Variants in ZNF264 observed in about 807,000 individuals in gnomAD.
ZNF264 encodes the protein zinc finger protein 264.
Under a neutral mutation model 11.2 loss-of-function variants are expected in ZNF264, and 11 were observed. The observed-to-expected ratio is 0.98, with a 90% CI of 0.62 to 1.63. ZNF264 has a LOEUF of 1.63. Ranked by LOEUF, ZNF264 falls within the 40% of genes most tolerant of loss-of-function variation. The probability of loss-of-function intolerance (pLI) is 0.00; values close to 1 mark genes in which losing one functional copy is unlikely to be tolerated. For synonymous variants in ZNF264, 309 were observed against 279.8 expected, an observed-to-expected ratio of 1.10 and a Z score of -1.04; for missense variants, 752 against 768.1, an observed-to-expected ratio of 0.98 and a Z score of 0.25.
At position 57,191,890 on chromosome 19, in the gene ZNF264, C is replaced by T. The variant is rs77125234; in HGVS notation, c.-24C>T. ...GCCGCCCGGGGCTCCTCTGTCCCAG[C>T]TCTGCGGCCCAGGGGGTGACGTGAT... On this transcript the variant is annotated 5_prime_UTR_variant, in exon 1 of 4. Coordinates refer to ENST00000263095, the MANE Select transcript of ZNF264 (RefSeq NM_003417.5). The T allele has an allele frequency of 0.063, 91,282 of 1,442,044 alleles. 3,285 individuals carry two copies. The highest frequency in any genetic ancestry group is 0.07 in the Non-Finnish European group (76,548 of 1,093,762). The allele number at this position is 1,442,044 out of a possible 1,614,324, so 89.3% of individuals were successfully genotyped here.
chr19:57,212,171 CAT>C lies in ZNF264; in HGVS notation c.1075_1076del (p.Met359ValfsTer13), dbSNP rs2087343172. The C allele has an allele frequency of 1.9e-6, 3 of 1,614,198 alleles. No individual in the cohort carries two copies. Among genetic ancestry groups the C allele is most frequent in the South Asian group, 1.1e-5 (1 of 91,084 alleles). ...GKVFKHRSYLMWHQQTHTGEK... is the reference protein window; with the variant it reads ...GKVFKHRSYLXWHQQTHTGEK... ...AGGTCTTCAAACACAGGTCATATCT[CAT>C]GTGGCACCAGCAGACTCATACCGGG... On this transcript the variant is annotated frameshift_variant, in exon 4 of 4. Transcript: ENST00000263095. LOFTEE classifies it low-confidence loss of function (END_TRUNC).
In ZNF264 at chr19:57,222,468, A is replaced by C. The variant is rs2087424470; in HGVS notation, c.*9487A>C. On this transcript the variant is annotated 3_prime_UTR_variant, in exon 4 of 4. Coordinates refer to ENST00000263095, the MANE Select transcript of ZNF264 (RefSeq NM_003417.5). ...TTAATTTAGTGATGAAAAGGTACAGAGAGAGTCTTTCAAGAAAGGACCTAG... is the reference window on the plus strand; with the variant it reads ...TTAATTTAGTGATGAAAAGGTACAGCGAGAGTCTTTCAAGAAAGGACCTAG... 6.6e-6 allele frequency: 1 copy of C among 152,008 alleles called. No homozygotes were observed. Among genetic ancestry groups the C allele is most frequent in the African/African-American group, 2.4e-5 (1 of 41,366 alleles). 9.4% of individuals were successfully genotyped at this position (152,008 alleles called of 1,614,324 possible).
chr19:57,205,611 T>A, intron 3 of ZNF264, 119 bp downstream of exon 3: 1 of 863,960 alleles, frequency 1.2e-6, no homozygotes, highest in Non-Finnish European at 1.9e-6. Context: ...ATAACTCTTA[T>A]ATAACTCTAT....
intron 1 of ZNF264, 28 bp downstream of exon 1, chr19:57,191,974 C>G (rs764927058): frequency 1.7e-5 from 26 of 1,520,564 alleles, no homozygotes; most frequent in Non-Finnish European, 2.3e-5. Context: ...TCGCGGTTGC[C>G]GCTTCCTTGC....
In ZNF264 at chr19:57,213,102, T is replaced by A. The variant is rs2087353974; in HGVS notation, c.*121T>A. On this transcript the variant is annotated 3_prime_UTR_variant, in exon 4 of 4. Transcript: ENST00000263095. ...CTGGAGAGAGACCCAGTGGTTATTGTGCACATAGGAGAACCTTCAGCTGCA... is the reference window on the plus strand; with the variant it reads ...CTGGAGAGAGACCCAGTGGTTATTGAGCACATAGGAGAACCTTCAGCTGCA... The A allele has an allele frequency of 1.0e-6, 1 of 959,594 alleles. No homozygotes were observed. Among genetic ancestry groups the A allele is most frequent in the East Asian group, 2.6e-5 (1 of 38,834 alleles). 59.4% of individuals were successfully genotyped at this position (959,594 alleles called of 1,614,324 possible).
Position 57,214,186 on chromosome 19 carries a change from A to G in ZNF264, c.*1205A>G, listed in dbSNP as rs2087362679. On this transcript the variant is annotated 3_prime_UTR_variant, in exon 4 of 4. Coordinates refer to ENST00000263095, the MANE Select transcript of ZNF264 (RefSeq NM_003417.5). ...CATCTGCAAATACAGACCATTTTTT[A>G]TCTTTCATCTTACCTGTAATATACC... The G allele has an allele frequency of 6.6e-6, 1 of 152,118 alleles. No homozygotes were observed. The highest frequency in any genetic ancestry group is 1.5e-5 in the Non-Finnish European group (1 of 68,012). The allele number at this position is 152,118 out of a possible 1,614,324, so 9.4% of individuals were successfully genotyped here. A position where few individuals can be genotyped will look rare whatever the true frequency, so the allele number is the denominator to read the frequency against.
At chr19:57,205,604 ACT>A in intron 3 of ZNF264, 112 bp downstream of exon 3, 1 of 907,904 alleles carries the variant, frequency 1.1e-6, no homozygotes, top group Non-Finnish European at 1.8e-6. Context: ...TCTCTATATA[ACT>A]CTTATATAAC....
rs12979531 is a variant in ZNF264 at position 57,213,380 on chromosome 19, G to A, written c.*399G>A. 32,159 of 165,418 alleles carry A rather than the reference G, an allele frequency of 0.19. 3,511 individuals carry two copies. The highest frequency in any genetic ancestry group is 0.28 in the Middle Eastern group (86 of 308). The allele number at this position is 165,418 out of a possible 1,614,324, so 10.2% of individuals were successfully genotyped here. ...AGAACAGTTAGTTTAGGAAAAGTAT[G>A]CAAACTTTAATCGCACATCTTCTGT... is the stretch of plus-strand genomic sequence containing the variant. On this transcript the variant is annotated 3_prime_UTR_variant, in exon 4 of 4. Transcript: ENST00000263095.
At chr19:57,200,943 A>G (rs2087248734) in intron 2 of ZNF264, among the ~76,000 whole-genome samples, 1 of 151,832 alleles carries the variant, frequency 6.6e-6, no homozygotes, top group Non-Finnish European at 1.5e-5. Flanking sequence ...TTTTTTATAC[A>G]TTTGTTATAT....
chr19:57,206,147 A>G (rs1244723588), intron 3 of ZNF264, among the ~76,000 whole-genome samples: 2 of 152,234 alleles, frequency 1.3e-5, no homozygotes, highest in Non-Finnish European at 2.9e-5. Context: ...GGACTGGGAA[A>G]TGTGGCTGAG....
In ZNF264 at chr19:57,191,965, C is replaced by T; in HGVS notation, c.33+19C>T. Reference sequence around the variant, plus strand: ...GGCCCAGGTGAGTGGACGGTGGCTTCGCGGTTGCCGCTTCCTTGCCAGCGC... The same window carrying T: ...GGCCCAGGTGAGTGGACGGTGGCTTTGCGGTTGCCGCTTCCTTGCCAGCGC... On this transcript the variant is annotated intron_variant, in intron 1 of 3. Transcript: ENST00000263095. 5.9e-6 allele frequency: 9 copies of T among 1,525,862 alleles called. No homozygotes were observed. The highest frequency in any genetic ancestry group is 1.4e-5 in the African/African-American group (1 of 70,664). The allele number at this position is 1,525,862 out of a possible 1,614,324, so 94.5% of individuals were successfully genotyped here.
At chr19:57,197,726 G>A (rs2087222435) in intron 2 of ZNF264, among the ~76,000 whole-genome samples, 2 of 151,936 alleles carry the variant, frequency 1.3e-5, no homozygotes, top group Admixed American at 1.3e-4. Flanking sequence ...ACTAGGCATT[G>A]TGCCTCTTTC....
At chr19:57,192,275 G>T (rs961575276) in intron 1 of ZNF264, 2 of 949,394 alleles carry the variant, frequency 2.1e-6, no homozygotes, top group African/African-American at 3.5e-5. Flanking sequence ...GTAGCAAGCC[G>T]ACAAATGCGC....
At chr19:57,192,285 C>A in intron 1 of ZNF264, 1 of 963,904 alleles carries the variant, frequency 1.0e-6, no homozygotes, top group Non-Finnish European at 1.2e-6. Flanking sequence ...GACAAATGCG[C>A]GAGCAGAGAC....
At chr19:57,195,067 A>C (rs2087202386) in intron 2 of ZNF264, 1 of 361,016 alleles carries the variant, frequency 2.8e-6, no homozygotes, top group East Asian at 4.0e-5. Context: ...ACCTAGCTGG[A>C]CCTAGCTGTT....
rs941148526 is a variant in ZNF264 at position 57,219,372 on chromosome 19, T to C, written c.*6391T>C. The C allele has an allele frequency of 6.6e-6, 1 of 152,232 alleles. No homozygotes were observed. The highest frequency in any genetic ancestry group is 2.4e-5 in the African/African-American group (1 of 41,450). The allele number at this position is 152,232 out of a possible 1,614,324, so 9.4% of individuals were successfully genotyped here. A position where few individuals can be genotyped will look rare whatever the true frequency, so the allele number is the denominator to read the frequency against. ...CCCATAATCTGTATCTGTATTCAAG[T>C]CTCTATCCTCATCCCCAAATGGATT... is the stretch of plus-strand genomic sequence containing the variant. On this transcript the variant is annotated 3_prime_UTR_variant, in exon 4 of 4. Coordinates refer to ENST00000263095, the MANE Select transcript of ZNF264 (RefSeq NM_003417.5).
Position 57,219,564 on chromosome 19 carries a change from C to T in ZNF264, c.*6583C>T, listed in dbSNP as rs759422775. ...TTGTCCTCTTACTTCCTTGTTAGAA[C>T]TTTGTGCTGCTGACCACCACTCTGA... is the stretch of plus-strand genomic sequence containing the variant. On this transcript the variant is annotated 3_prime_UTR_variant, in exon 4 of 4. Transcript: ENST00000263095. 1.3e-5 allele frequency: 2 copies of T among 152,286 alleles called. No individual in the cohort carries two copies. The highest frequency in any genetic ancestry group is 2.9e-5 in the Non-Finnish European group (2 of 68,082). 9.4% of individuals were successfully genotyped at this position (152,286 alleles called of 1,614,324 possible).
At chr19:57,205,977 C>A (rs575985254) in intron 3 of ZNF264, among the ~76,000 whole-genome samples, 6 of 152,352 alleles carry the variant, frequency 3.9e-5, no homozygotes, top group African/African-American at 1.4e-4. Context: ...TTATTCAGGA[C>A]CCAGGTTCCT....
At chr19:57,197,927 G>C (rs1371542853) in intron 2 of ZNF264, among the ~76,000 whole-genome samples, 1 of 151,972 alleles carries the variant, frequency 6.6e-6, no homozygotes, top group African/African-American at 2.4e-5. Flanking sequence ...GCTACTTCTT[G>C]CTACTGGATC....
Sources: allele counts gnomAD v4.1 joint callset (sites outside exome capture counted in the v4.1 genomes callset), GRCh38; gene constraint gnomAD v4.1.1; transcripts MANE v1.5; gene names NCBI Gene and HGNC (gene_info 2026-07-23, HGNC 2026-07-21).